Variants in ZNF676 observed in about 807,000 individuals in gnomAD.
The protein encoded by ZNF676 is zinc finger protein 676.
Under a neutral mutation model 6.0 loss-of-function variants are expected in ZNF676, and 4 were observed. The ratio of observed to expected loss-of-function variants is 0.67; its 90% CI spans 0.33 to 1.53. ZNF676 has a LOEUF of 1.53. Ranked by LOEUF, ZNF676 falls within the 40% of genes most tolerant of loss-of-function variation. The pLI, the probability that ZNF676 is intolerant of heterozygous loss-of-function variation, is 0.06. For missense variants in ZNF676, 644 were observed against 679.7 expected, an observed-to-expected ratio of 0.95 and a Z score of 0.58; for synonymous variants, 198 against 223.1, an observed-to-expected ratio of 0.89 and a Z score of 1.00.
rs552105851 is a variant in ZNF676, at chr19:22,209,262, A to AAAAC, written c.3+6366_3+6369dup. ...GTGTGATACAGTGAGATTCCATATC[A>AAAAC]AAACAAACAAACAAACAAATATGGT... On this transcript the variant is annotated intron_variant, in intron 1 of 3. Coordinates refer to the ZNF676 transcript ENST00000650058. 2.6e-3 allele frequency among the ~76,000 whole-genome samples: 401 copies of AAAAC among 152,206 alleles called. 3 individuals carry two copies. Among genetic ancestry groups the AAAAC allele is most frequent in the African/African-American group, 9.3e-3 (387 of 41,504 alleles).
At chr19:22,215,908 A>T (rs189034732), upstream of ZNF676, among the ~76,000 whole-genome samples, 37 of 152,094 alleles carry the variant, frequency 2.4e-4, no homozygotes, top group Middle Eastern at 3.4e-3. Context: ...ATGTGATCAG[A>T]TGCTGGGCTG....
At chr19:22,192,581 T>G (rs2023921463) in intron 2 of ZNF676, among the ~76,000 whole-genome samples, 1 of 151,878 alleles carries the variant, frequency 6.6e-6, no homozygotes, top group Non-Finnish European at 1.5e-5. Context: ...AAAAACAGAA[T>G]GAAATGTGCA....
chr19:22,251,746 C>T, the ZNF676 span, among the ~76,000 whole-genome samples: 3 of 149,356 alleles, frequency 2.0e-5, no homozygotes. Context: ...AAGATTGCAC[C>T]ACTGCACTCC....
chr19:22,201,726 AAAGGC>A (rs1288297630), upstream of ZNF676, among the ~76,000 whole-genome samples: 2 of 106,338 alleles, frequency 1.9e-5, no homozygotes, highest in Non-Finnish European at 3.6e-5. Context: ...GTGGATTTGT[AAAGGC>A]AAAAAAAAAA....
At chr19:22,246,777 C>G in the ZNF676 span, among the ~76,000 whole-genome samples, 1 of 152,228 alleles carries the variant, frequency 6.6e-6, no homozygotes, top group Non-Finnish European at 1.5e-5. Context: ...AGCCACTCTT[C>G]CTTTTGTGCA....
At chr19:22,211,355 C>T (rs1404133565) in intron 1 of ZNF676, among the ~76,000 whole-genome samples, 3 of 152,106 alleles carry the variant, frequency 2.0e-5, no homozygotes, top group Non-Finnish European at 4.4e-5. Context: ...CCTTTAATAA[C>T]CTCCGTTTGC....
the ZNF676 span, among the ~76,000 whole-genome samples, chr19:22,222,800 T>C: frequency 6.6e-6 from 1 of 152,158 alleles, no homozygotes; most frequent in Admixed American, 6.5e-5. Context: ...CTTGGGTAGT[T>C]GTAATTCCCA....
the ZNF676 span, among the ~76,000 whole-genome samples, chr19:22,246,252 C>A: frequency 1.3e-5 from 2 of 152,114 alleles, no homozygotes; most frequent in African/African-American, 4.8e-5. Context: ...GTTTTAGACC[C>A]AGTTATTTGT....
the ZNF676 span, among the ~76,000 whole-genome samples, chr19:22,242,567 G>A: frequency 6.6e-6 from 1 of 151,952 alleles, no homozygotes; most frequent in Non-Finnish European, 1.5e-5. Context: ...CAAGGCCCAA[G>A]CAGGAGAAAA....
intron 1 of ZNF676, among the ~76,000 whole-genome samples, chr19:22,205,278 G>GA (rs2024065563): frequency 6.6e-6 from 1 of 152,098 alleles, no homozygotes; most frequent in Non-Finnish European, 1.5e-5. Context: ...ATTAGGACCT[G>GA]AACTCAACAC....
At chr19:22,258,495 C>G in the ZNF676 span, among the ~76,000 whole-genome samples, 2 of 152,110 alleles carry the variant, frequency 1.3e-5, no homozygotes, top group African/African-American at 4.8e-5. Flanking sequence ...GGTGCTGGAC[C>G]TGGCAGTCTG....
upstream of ZNF676, chr19:22,196,973 T>C (rs1010515966): frequency 3.6e-5 from 14 of 392,888 alleles, no homozygotes; most frequent in African/African-American, 2.7e-4. Context: ...TAATAAAGTA[T>C]AAAATTGAGG....
intron 1 of ZNF676, among the ~76,000 whole-genome samples, chr19:22,206,449 G>C (rs1445653749): frequency 1.3e-5 from 2 of 152,108 alleles, no homozygotes; most frequent in Non-Finnish European, 2.9e-5. Flanking sequence ...AAGGTGGGTT[G>C]ATTCCCTGAG....
chr19:22,222,256 C>T, the ZNF676 span, among the ~76,000 whole-genome samples: 1 of 152,102 alleles, frequency 6.6e-6, no homozygotes, highest in Non-Finnish European at 1.5e-5. Context: ...AGGCACCTGC[C>T]ACCACGCATG....
chr19:22,241,754 C>T, the ZNF676 span, among the ~76,000 whole-genome samples: 1 of 151,952 alleles, frequency 6.6e-6, no homozygotes, highest in African/African-American at 2.4e-5. Context: ...CTTTAATTGA[C>T]CTGCTCCGGA....
At chr19:22,215,764 C>CA in exon 1 of ZNF676, 2 of 1,202,764 alleles carry the variant, frequency 1.7e-6, no homozygotes, top group South Asian at 2.9e-5. Context: ...CAGCGAGAGA[C>CA]AAAGGACCGA....
the ZNF676 span, among the ~76,000 whole-genome samples, chr19:22,234,348 C>G: frequency 6.6e-6 from 1 of 152,096 alleles, no homozygotes; most frequent in Non-Finnish European, 1.5e-5. Flanking sequence ...AAATGGAGAC[C>G]ATGGGCATTT....
At chr19:22,207,854 A>G (rs1177301049) in intron 1 of ZNF676, among the ~76,000 whole-genome samples, 1 of 152,190 alleles carries the variant, frequency 6.6e-6, no homozygotes, top group East Asian at 1.9e-4. Context: ...AGAATTTCCT[A>G]TTTAATAAAT....
the ZNF676 span, among the ~76,000 whole-genome samples, chr19:22,240,089 T>C: frequency 6.6e-6 from 1 of 152,260 alleles, no homozygotes; most frequent in East Asian, 1.9e-4. Context: ...TCACATCACA[T>C]AAATGCTGGG....
Sources: allele counts gnomAD v4.1 joint callset (sites outside exome capture counted in the v4.1 genomes callset), GRCh38; gene constraint gnomAD v4.1.1; transcripts MANE v1.5; gene names NCBI Gene and HGNC (gene_info 2026-07-23, HGNC 2026-07-21).